BUB1: variants seen among roughly 807,000 people sequenced by gnomAD.
BUB1 encodes the protein BUB1 mitotic checkpoint serine/threonine kinase, also known as mitotic checkpoint serine/threonine-protein kinase BUB1.
BUB1 carries 84 observed loss-of-function variants against 135.2 expected under a neutral mutation model. That is an observed-to-expected ratio of 0.62 (90% confidence interval 0.52 to 0.74). The LOEUF (loss-of-function observed/expected upper bound fraction) is 0.74. Ranked by LOEUF, BUB1 falls within the 30% of genes least tolerant of loss-of-function variation. The pLI, the probability that BUB1 is intolerant of heterozygous loss-of-function variation, is 0.00. For missense variants in BUB1, 1,162 were observed against 1,288.3 expected (o/e 0.90, Z 1.50); for synonymous variants, 403 against 434.4 (o/e 0.93, Z 0.90).
At chr2:110,673,969 G>GT in intron 3 of BUB1, 117 bp downstream of exon 3, 1 of 849,192 alleles carries the variant, frequency 1.2e-6, no homozygotes, top group Non-Finnish European at 1.8e-6. Flanking sequence ...TTTCCTCTCT[G>GT]TATCTTCAGA....
chr2:110,656,594 G>A (rs908348308), intron 15 of BUB1, among the ~76,000 whole-genome samples: 2 of 152,230 alleles, frequency 1.3e-5, no homozygotes, highest in South Asian at 2.1e-4. Context: ...TCATATTAGG[G>A]GATATCTGCT....
intron 18 of BUB1, 41 bp downstream of exon 18, chr2:110,650,505 T>C (rs1175665020): frequency 6.3e-7 from 1 of 1,585,092 alleles, no homozygotes; most frequent in Admixed American, 1.7e-5. Flanking sequence ...CCCATGCTCC[T>C]GTCCTGATTC....
chr2:110,670,473 A>T, intron 5 of BUB1, 52 bp downstream of exon 5: 1 of 1,597,376 alleles, frequency 6.3e-7, no homozygotes, highest in Non-Finnish European at 8.6e-7. Context: ...ATACTAGTAC[A>T]AATCCAAGAC....
At chr2:110,641,841 T>C in intron 20 of BUB1, 38 bp from the exon 21 acceptor site, 2 of 1,583,446 alleles carry the variant, frequency 1.3e-6, no homozygotes, top group African/African-American at 1.4e-5. Context: ...TCCAATCTCG[T>C]ATTCTGAAAA....
Position 110,670,580 on chromosome 2 carries a change from C to A in BUB1, c.423-12G>T. On this transcript the variant is annotated splice_polypyrimidine_tract_variant and intron_variant, in intron 4 of 24. Coordinates refer to ENST00000302759, the MANE Select transcript of BUB1 (RefSeq NM_004336.5). ...GTGTCTGAAATAACCTAAATGACAG[C>A]AGAAAAGGCATCAATGTAGATTATA... 1 of 1,613,398 alleles carries A rather than the reference C, an allele frequency of 6.2e-7. No homozygotes were observed.
At chr2:110,652,225 G>C (rs1277467867) in intron 17 of BUB1, among the ~76,000 whole-genome samples, 3 of 152,082 alleles carry the variant, frequency 2.0e-5, no homozygotes, top group African/African-American at 7.2e-5. Context: ...ATGAAAAATT[G>C]AGCCACCTAA....
intron 9 of BUB1, 120 bp from the exon 10 acceptor site, chr2:110,661,961 A>G (rs1392149532): frequency 8.2e-7 from 1 of 1,220,876 alleles, no homozygotes; most frequent in African/African-American, 1.5e-5. Context: ...TTTTCCTTGA[A>G]GTTTCCCCAT....
Position 110,637,966 on chromosome 2 carries a change from A to T in BUB1, c.3256T>A (p.Ter1086LysextTer8), listed in dbSNP as rs745745049. Residue 1086 changes from the stop codon to lysine, a stop_lost, in exon 25 of 25, where the codon TAA becomes AAA. Transcript: ENST00000302759. ...TAAGGACTGTCTATATCCAAATTTT[A>T]TTTTCGTGAACGCTTACATTCTAAG... Reference protein sequence around the residue: ...LLLECKRSRK* With the variant: ...LLLECKRSRKK 1 of 1,474,732 alleles carries T rather than the reference A, an allele frequency of 6.8e-7. No individual in the cohort carries two copies. 91.4% of individuals were successfully genotyped at this position (1,474,732 alleles called of 1,614,324 possible).
intron 3 of BUB1, 36 bp from the exon 4 acceptor site, chr2:110,672,893 T>A: frequency 6.6e-7 from 1 of 1,519,882 alleles, no homozygotes; most frequent in Non-Finnish European, 8.8e-7. Flanking sequence ...ATAAGAATAA[T>A]GGAACTGCTA....
At chr2:110,650,292 C>T (rs555074993) in intron 18 of BUB1, among the ~76,000 whole-genome samples, 3 of 152,148 alleles carry the variant, frequency 2.0e-5, no homozygotes, top group Admixed American at 6.6e-5. Context: ...AAGCCTGGCA[C>T]GTAGTAGGCT....
At chr2:110,649,528 T>G in intron 18 of BUB1, 151 bp from the exon 19 acceptor site, 1 of 796,636 alleles carries the variant, frequency 1.3e-6, no homozygotes, top group Non-Finnish European at 1.8e-6. Flanking sequence ...AAAAAAGAAC[T>G]ATTTTTAAAA....
At chr2:110,672,569 T>G (rs1690450907) in intron 4 of BUB1, 92 bp downstream of exon 4, 1 of 1,346,232 alleles carries the variant, frequency 7.4e-7, no homozygotes, top group Non-Finnish European at 1.0e-6. Flanking sequence ...TAGAAGGATT[T>G]CCCTGTACAA....
Position 110,667,651 on chromosome 2 carries a change from C to T in BUB1, c.675G>A (p.Leu225=), listed in dbSNP as rs750038187. The change falls in exon 8 of 25, where the codon TTG becomes TTA. Residue 225 remains leucine, a synonymous_variant. Transcript: ENST00000302759. ...CCTGCTCAACATCAACTTTGGATGCCAAAGATGAGTGCACAGAATATTCTG... is the reference window on the plus strand; with the variant it reads ...CCTGCTCAACATCAACTTTGGATGCTAAAGATGAGTGCACAGAATATTCTG... ...SKSEYSVHSS[L]ASKVDVEQVV... The T allele has an allele frequency of 4.3e-6, 7 of 1,613,872 alleles. No homozygotes were observed. The highest frequency in any genetic ancestry group is 5.9e-6 in the Non-Finnish European group (7 of 1,179,964).
chr2:110,649,119 A>G (rs1024797274), intron 19 of BUB1, 115 bp downstream of exon 19: 19 of 984,184 alleles, frequency 1.9e-5, no homozygotes, highest in East Asian at 2.5e-5. Flanking sequence ...ACAACTCCCT[A>G]TTGGAGGTTG....
intron 18 of BUB1, among the ~76,000 whole-genome samples, chr2:110,650,216 G>C (rs1429361756): frequency 1.4e-5 from 2 of 143,804 alleles, no homozygotes; most frequent in Non-Finnish European, 3.0e-5. Context: ...GCGGGGGGGG[G>C]TGTCTCTTTA....
chr2:110,659,252 A>G (rs1296522022), intron 11 of BUB1, among the ~76,000 whole-genome samples: 1 of 152,148 alleles, frequency 6.6e-6, no homozygotes, highest in East Asian at 1.9e-4. Context: ...AGGGCTTAGC[A>G]CTTAATATTC....
At chr2:110,650,849 C>A in intron 17 of BUB1, 65 bp from the exon 18 acceptor site, 1 of 1,421,414 alleles carries the variant, frequency 7.0e-7, no homozygotes, top group South Asian at 1.2e-5. Flanking sequence ...TGGATTCAGT[C>A]ACATGAAATT....
At chr2:110,655,057 T>C (rs1261738645) in intron 16 of BUB1, among the ~76,000 whole-genome samples, 1 of 152,206 alleles carries the variant, frequency 6.6e-6, no homozygotes, top group Non-Finnish European at 1.5e-5. Flanking sequence ...GTCTAGTTTG[T>C]AGGTTGGTAC....
chr2:110,642,558 C>G (rs1358789651), intron 19 of BUB1: 3 of 169,600 alleles, frequency 1.8e-5, no homozygotes, highest in Non-Finnish European at 3.8e-5. Flanking sequence ...TTTTGATGAC[C>G]TTGACAGTTC....
Sources: gnomAD v4.1 joint callset for allele counts (sites outside exome capture counted in the v4.1 genomes callset) on GRCh38, gnomAD v4.1.1 for gene constraint, MANE v1.5 for transcripts, NCBI Gene and HGNC (gene_info 2026-07-23, HGNC 2026-07-21) for gene names.